The following PCDHGB3 variants were observed in gnomAD, a reference collection of about 807,000 sequenced individuals.
PCDHGB3 encodes protocadherin gamma-B3.
Under a neutral mutation model 59.2 loss-of-function variants are expected in PCDHGB3, and 40 were observed. That is an observed-to-expected ratio of 0.68 (90% CI 0.52 to 0.88). The LOEUF is 0.88. Among genes scored for constraint, PCDHGB3 ranks in the 40% least tolerant of loss-of-function variants. The probability of loss-of-function intolerance (pLI) is 0.00; values close to 1 mark genes in which losing one functional copy is unlikely to be tolerated. For synonymous variants in PCDHGB3, 581 were observed against 503.6 expected (o/e 1.15, Z -2.06); for missense variants, 1,309 against 1,187.9 (o/e 1.10, Z -1.50).
At position 141,478,736 on chromosome 5, in the gene PCDHGB3, T is replaced by G; in HGVS notation, c.2416-16071T>G. On this transcript the variant is annotated intron_variant, in intron 1 of 3. Coordinates refer to ENST00000576222, the MANE Select transcript of PCDHGB3 (RefSeq NM_018924.5). Reference sequence around the variant, plus strand: ...TGGTGGCCTGCCAGAGTGTGGTTTGTGGTCCCATTTCAGGGGGAAGATACT... The same window carrying G: ...TGGTGGCCTGCCAGAGTGTGGTTTGGGGTCCCATTTCAGGGGGAAGATACT... 5 of 1,534,796 alleles carry G rather than the reference T, an allele frequency of 3.3e-6. No homozygotes were observed. In the South Asian group the frequency reaches 6.2e-5, roughly 19 times the overall value.
chr5:141,386,365 A>G (rs1014338903), intron 1 of PCDHGB3, among the ~76,000 whole-genome samples: 2 of 152,278 alleles, frequency 1.3e-5, no homozygotes. Flanking sequence ...GATTCCAGAG[A>G]CCTTTGAGTA....
chr5:141,394,353 C>G (rs759128487), intron 1 of PCDHGB3: 11 of 1,614,178 alleles, frequency 6.8e-6, no homozygotes, highest in East Asian at 4.5e-5. Flanking sequence ...CACCGGTGTC[C>G]TGTATGCGCT....
At chr5:141,413,299 G>T in intron 1 of PCDHGB3, 1 of 1,613,966 alleles carries the variant, frequency 6.2e-7, no homozygotes, top group Non-Finnish European at 8.5e-7. Flanking sequence ...AATTCCTGAG[G>T]AATTAGAGAA....
intron 3 of PCDHGB3, among the ~76,000 whole-genome samples, chr5:141,506,417 A>C (rs1326078146): frequency 6.8e-6 from 1 of 147,658 alleles, no homozygotes; most frequent in Non-Finnish European, 1.5e-5. Context: ...ACTGCACTCC[A>C]GCCTGGGCAA....
At position 141,491,872 on chromosome 5, in the gene PCDHGB3, G is replaced by A; in HGVS notation, c.2416-2935G>A. On this transcript the variant is annotated intron_variant, in intron 1 of 3. Transcript: ENST00000576222. The surrounding 1 kb of genome is among the most constrained non-coding windows in gnomAD (Gnocchi z 6.9). ...CCGTTTGCGCGAAACCAGAGTGGCCGATTAAGGGATGGGGCTCCGAGCACC... is the reference window on the plus strand; with the variant it reads ...CCGTTTGCGCGAAACCAGAGTGGCCAATTAAGGGATGGGGCTCCGAGCACC... 6.9e-7 allele frequency: 1 copy of A among 1,452,190 alleles called. No individual in the cohort carries two copies. The highest frequency in any genetic ancestry group is 9.1e-7 in the Non-Finnish European group (1 of 1,098,644). The allele number at this position is 1,452,190 out of a possible 1,614,324, so 90.0% of individuals were successfully genotyped here.
At chr5:141,375,606 A>G (rs1187736346) in intron 1 of PCDHGB3, 3 of 1,613,806 alleles carry the variant, frequency 1.9e-6, no homozygotes, top group South Asian at 1.1e-5. Context: ...GTGTCCATCA[A>G]CTCCGACACT....
intron 1 of PCDHGB3, among the ~76,000 whole-genome samples, chr5:141,466,790 A>C (rs1240777427): frequency 2.0e-5 from 3 of 152,210 alleles, no homozygotes; most frequent in Non-Finnish European, 2.9e-5. Context: ...TTAGTGCCTC[A>C]AACTAGATCC....
chr5:141,410,109 ACG>A, intron 1 of PCDHGB3: 1 of 1,612,496 alleles, frequency 6.2e-7, no homozygotes, highest in Non-Finnish European at 8.5e-7. Flanking sequence ...GGCGACAGGG[ACG>A]CAGCCCGCCA....
chr5:141,497,396 C>T (rs2099776233), intron 2 of PCDHGB3, among the ~76,000 whole-genome samples: 1 of 152,116 alleles, frequency 6.6e-6, no homozygotes, highest in Middle Eastern at 3.2e-3. Flanking sequence ...CTTACCCCTG[C>T]CTCAACTCCC....
Position 141,414,535 on chromosome 5 carries a change from C to T in PCDHGB3, c.2415+41726C>T, listed in dbSNP as rs2095756820. The T allele has an allele frequency of 6.2e-7, 1 of 1,613,962 alleles. No individual in the cohort carries two copies. On this transcript the variant is annotated intron_variant, in intron 1 of 3. Coordinates refer to ENST00000576222, the MANE Select transcript of PCDHGB3 (RefSeq NM_018924.5). The stretch of plus-strand genomic sequence containing the variant: ...AGTGGCAGATATCAATGACAACCCA[C>T]CTACCTTCTCTCAAGTCTCCTACTT...
At chr5:141,504,529 G>A (rs1333393859) in intron 2 of PCDHGB3, among the ~76,000 whole-genome samples, 1 of 151,900 alleles carries the variant, frequency 6.6e-6, no homozygotes, top group African/African-American at 2.4e-5. Context: ...TATTTTATTC[G>A]TGTCATCATG....
At chr5:141,379,558 A>G (rs917784555) in intron 1 of PCDHGB3, 4 of 152,206 alleles carry the variant, frequency 2.6e-5, no homozygotes, top group African/African-American at 7.2e-5. Flanking sequence ...ACTACTTTTC[A>G]TGGAGATCAG....
At chr5:141,390,423 C>A in intron 1 of PCDHGB3, 1 of 1,058,544 alleles carries the variant, frequency 9.4e-7, no homozygotes, top group Non-Finnish European at 1.3e-6. Context: ...AGTTAAAAAG[C>A]TGTCATATCA....
At chr5:141,460,067 G>T (rs1168161575) in intron 1 of PCDHGB3, among the ~76,000 whole-genome samples, 1 of 151,996 alleles carries the variant, frequency 6.6e-6, no homozygotes, top group Non-Finnish European at 1.5e-5. Flanking sequence ...AACAGAGTGA[G>T]ACTTCATCTA....
In PCDHGB3 at chr5:141,371,080, G is replaced by A; in HGVS notation, c.686G>A (p.Arg229Lys). Residue 229 changes from arginine (R) to lysine (K), a missense_variant, in exon 1 of 4, where the codon AGG becomes AAG. By Grantham distance (26) the Arg-to-Lys change is conservative (BLOSUM62 2). Transcript: ENST00000576222. ...EPSRSCTTQI[R>K]VIVADANDNP... ...TCCAGAAGCTGTACCACCCAGATCA[G>A]GGTAATTGTCGCAGATGCAAATGAT... 2 of 1,613,876 alleles carry A rather than the reference G, an allele frequency of 1.2e-6. No individual in the cohort carries two copies. The highest frequency in any genetic ancestry group is 1.7e-6 in the Non-Finnish European group (2 of 1,179,800).
rs1173627393 is a variant in PCDHGB3 at position 141,487,102 on chromosome 5, G to A, written c.2416-7705G>A. ...CAGCTGACCTCCCACCACAGAAGCT[G>A]GTCATTGTGGTAAAGGATAGTGGTA... On this transcript the variant is annotated intron_variant, in intron 1 of 3. Coordinates refer to ENST00000576222, the MANE Select transcript of PCDHGB3 (RefSeq NM_018924.5). This position sits in a 1 kb window ranked among gnomAD's most constrained non-coding sequence, Gnocchi z 5.0. 1 of 1,613,900 alleles carries A rather than the reference G, an allele frequency of 6.2e-7. No homozygotes were observed.
At chr5:141,497,849 T>G (rs1337258582) in intron 2 of PCDHGB3, among the ~76,000 whole-genome samples, 1 of 152,192 alleles carries the variant, frequency 6.6e-6, no homozygotes, top group African/African-American at 2.4e-5. Flanking sequence ...ACAAACATTT[T>G]TGATTCAGCG....
In PCDHGB3 at chr5:141,408,707, G is replaced by A. The variant is rs899200128; in HGVS notation, c.2415+35898G>A. On this transcript the variant is annotated intron_variant, in intron 1 of 3. Coordinates refer to ENST00000576222, the MANE Select transcript of PCDHGB3 (RefSeq NM_018924.5). ...TGATATAAACATAAACTCAATTAAAGATTATAAGATAAACTCTAATCCTTA... is the reference window on the plus strand; with the variant it reads ...TGATATAAACATAAACTCAATTAAAAATTATAAGATAAACTCTAATCCTTA... 1.9e-6 allele frequency: 3 copies of A among 1,612,764 alleles called. No homozygotes were observed. In the African/African-American group the frequency reaches 4.0e-5, roughly 22 times the overall value.
At chr5:141,417,628 A>T (rs2096139720) in intron 1 of PCDHGB3, 1 of 692,650 alleles carries the variant, frequency 1.4e-6, no homozygotes, top group Non-Finnish European at 2.3e-6. Context: ...GCAAGCGCTG[A>T]CGCCGGGGAT....
Sources: allele counts gnomAD v4.1 joint callset (sites outside exome capture counted in the v4.1 genomes callset), GRCh38; gene constraint gnomAD v4.1.1; non-coding constraint Gnocchi (gnomAD v3.1); transcripts MANE v1.5; gene names NCBI Gene and HGNC (gene_info 2026-07-23, HGNC 2026-07-21).